ATAD2B: variants seen among roughly 807,000 people sequenced by gnomAD.
ATAD2B encodes the protein ATPase family AAA domain containing 2B, also known as ATPase family AAA domain-containing protein 2B.
ATAD2B carries 40 observed loss-of-function variants against 167.6 expected under a neutral mutation model. The ratio of observed to expected loss-of-function variants is 0.24; its 90% CI spans 0.19 to 0.31. The LOEUF (loss-of-function observed/expected upper bound fraction) is 0.31. ATAD2B is among the 10% of genes least tolerant of loss of function. The pLI is 1.00. For missense variants in ATAD2B, 1,242 were observed against 1,757.2 expected, an observed-to-expected ratio of 0.71 and a Z score of 5.24; for synonymous variants, 579 against 596.5, an observed-to-expected ratio of 0.97 and a Z score of 0.43.
At chr2:23,819,398 C>T (rs75542169) in intron 17 of ATAD2B, among the ~76,000 whole-genome samples, 61 of 150,546 alleles carry the variant, frequency 4.1e-4, no homozygotes, top group African/African-American at 1.4e-3. Flanking sequence ...GGCTGAGGTA[C>T]GAGAATAGCT....
intron 1 of ATAD2B, among the ~76,000 whole-genome samples, chr2:23,910,782 C>T (rs1048377052): frequency 1.3e-5 from 2 of 151,790 alleles, no homozygotes; most frequent in African/African-American, 2.4e-5. Flanking sequence ...GTACAATAAT[C>T]GCTTGAACCT....
chr2:23,820,915 C>T (rs1218961822), intron 16 of ATAD2B, among the ~76,000 whole-genome samples: 1 of 152,052 alleles, frequency 6.6e-6, no homozygotes, highest in East Asian at 1.9e-4. Flanking sequence ...CGCCACTGCA[C>T]TCCAGCCTTG....
intron 7 of ATAD2B, among the ~76,000 whole-genome samples, chr2:23,877,283 C>T (rs1043831974): frequency 2.7e-5 from 4 of 150,300 alleles, no homozygotes; most frequent in East Asian, 2.0e-4. Context: ...GTCAGGAGTT[C>T]GAGCCAGCCT....
intron 13 of ATAD2B, among the ~76,000 whole-genome samples, chr2:23,842,128 T>C (rs964915888): frequency 1.3e-5 from 2 of 152,232 alleles, no homozygotes; most frequent in Non-Finnish European, 2.9e-5. Flanking sequence ...ATTGATATAT[T>C]TGGGTTTAAA....
intron 17 of ATAD2B, chr2:23,811,296 A>G (rs1685549174): frequency 6.6e-6 from 1 of 152,190 alleles, no homozygotes; most frequent in Admixed American, 6.5e-5. Context: ...GCCCTCATGA[A>G]TGGATTAGTT....
intron 24 of ATAD2B, among the ~76,000 whole-genome samples, chr2:23,761,390 C>T (rs1225034569): frequency 6.6e-6 from 1 of 152,148 alleles, no homozygotes; most frequent in Non-Finnish European, 1.5e-5. Flanking sequence ...ACTGACATGT[C>T]GTTCAAAGTA....
At chr2:23,793,821 G>A (rs1682184948) in intron 19 of ATAD2B, among the ~76,000 whole-genome samples, 1 of 152,062 alleles carries the variant, frequency 6.6e-6, no homozygotes, top group Non-Finnish European at 1.5e-5. Context: ...AAACTTTTTG[G>A]TCTCAGGACC....
intron 9 of ATAD2B, among the ~76,000 whole-genome samples, chr2:23,868,592 T>A (rs1301414528): frequency 3.9e-5 from 6 of 152,186 alleles, no homozygotes; most frequent in Admixed American, 1.3e-4. Flanking sequence ...AATATTTAAA[T>A]CTATCCTCAA....
At chr2:23,880,380 G>T (rs1184023017) in intron 7 of ATAD2B, among the ~76,000 whole-genome samples, 2 of 151,842 alleles carry the variant, frequency 1.3e-5, no homozygotes, top group Non-Finnish European at 2.9e-5. Context: ...AGTAGAGATG[G>T]GGTTTCACCA....
At chr2:23,832,921 A>G (rs576287540) in intron 14 of ATAD2B, among the ~76,000 whole-genome samples, 7 of 152,382 alleles carry the variant, frequency 4.6e-5, no homozygotes, top group African/African-American at 1.4e-4. Flanking sequence ...TACCTACTTC[A>G]GCCCTATCTA....
rs1410158276 is a variant in ATAD2B at position 23,818,114 on chromosome 2, C to CATT, written c.2267+1632_2267+1633insAAT. 6.0e-3 allele frequency among the ~76,000 whole-genome samples: 606 copies of CATT among 100,602 alleles called. 16 individuals are homozygous for CATT. Among genetic ancestry groups the CATT allele is most frequent in the African/African-American group, 0.018 (507 of 28,708 alleles). The allele number at this position is 100,602 out of a possible 152,430, so 66.0% of individuals were successfully genotyped here. ...CACACATTACACACACACACACACACACACACATTACACACACACACACAC... is the reference window on the plus strand; with the variant it reads ...CACACATTACACACACACACACACACATTACACACATTACACACACACACACAC... On this transcript the variant is annotated intron_variant, in intron 17 of 27. Transcript: ENST00000238789.
chr2:23,858,003 A>G (rs1412395229), intron 12 of ATAD2B, among the ~76,000 whole-genome samples: 2 of 151,990 alleles, frequency 1.3e-5, no homozygotes, highest in Non-Finnish European at 2.9e-5. Flanking sequence ...TCGACCTCCC[A>G]AAGTGCTGGG....
the ATAD2B span, among the ~76,000 whole-genome samples, chr2:23,686,318 A>G: frequency 6.6e-6 from 1 of 151,972 alleles, no homozygotes; most frequent in Non-Finnish European, 1.5e-5. Flanking sequence ...CCCTCATCAG[A>G]AAGGATGGGG....
chr2:23,844,980 A>T (rs142912025), intron 13 of ATAD2B, among the ~76,000 whole-genome samples: 83 of 152,296 alleles, frequency 5.4e-4, no homozygotes, highest in African/African-American at 2.0e-3. Flanking sequence ...ATGTACCCAG[A>T]AAAAAGATAC....
At chr2:23,798,709 T>C (rs1479675186) in intron 18 of ATAD2B, among the ~76,000 whole-genome samples, 7 of 152,130 alleles carry the variant, frequency 4.6e-5, no homozygotes, top group African/African-American at 9.7e-5. Flanking sequence ...GTGATATCAG[T>C]AAACTTTACA....
chr2:23,721,047 G>A, the ATAD2B span, among the ~76,000 whole-genome samples: 2 of 146,424 alleles, frequency 1.4e-5, no homozygotes, highest in African/African-American at 2.5e-5. Flanking sequence ...TGCACAGTAG[G>A]AGACTGACTC....
At chr2:23,700,303 T>G in the ATAD2B span, among the ~76,000 whole-genome samples, 1 of 152,192 alleles carries the variant, frequency 6.6e-6, no homozygotes, top group Admixed American at 6.5e-5. This position sits in a 1 kb window ranked among gnomAD's most constrained non-coding sequence, Gnocchi z 4.6. Flanking sequence ...CCACAAAAAT[T>G]TAACAATTTT....
At chr2:23,761,802 A>T (rs1248304283) in intron 24 of ATAD2B, among the ~76,000 whole-genome samples, 1 of 152,296 alleles carries the variant, frequency 6.6e-6, no homozygotes, top group African/African-American at 2.4e-5. Flanking sequence ...AGAAAAATCA[A>T]CTTCCTGTTG....
chr2:23,717,765 T>A, the ATAD2B span, among the ~76,000 whole-genome samples: 3 of 152,058 alleles, frequency 2.0e-5, no homozygotes, highest in East Asian at 5.8e-4. Flanking sequence ...CAAAAGAAAA[T>A]GATAACCTAA....
Sources: gnomAD v4.1 joint callset for allele counts (sites outside exome capture counted in the v4.1 genomes callset) on GRCh38, gnomAD v4.1.1 for gene constraint, Gnocchi (gnomAD v3.1) non-coding constraint, MANE v1.5 for transcripts, NCBI Gene and HGNC (gene_info 2026-07-23, HGNC 2026-07-21) for gene names.